PCTP: variants seen among roughly 807,000 people sequenced by gnomAD.
The protein encoded by PCTP is START domain-containing protein 2.
PCTP carries 27 observed loss-of-function variants against 31.0 expected under a neutral mutation model. That is an observed-to-expected ratio of 0.87 (90% CI 0.64 to 1.20). The LOEUF (loss-of-function observed/expected upper bound fraction) is 1.20. PCTP is among the 50% of genes most tolerant of loss of function. The probability of loss-of-function intolerance (pLI) is 0.00; values close to 1 mark genes in which losing one functional copy is unlikely to be tolerated. For missense variants in PCTP, 287 were observed against 268.2 expected (o/e 1.07, Z -0.49); for synonymous variants, 108 against 101.2 (o/e 1.07, Z -0.40).
intron 3 of PCTP, among the ~76,000 whole-genome samples, chr17:55,802,105 A>G (rs1369822163): frequency 2.6e-5 from 4 of 152,260 alleles, no homozygotes; most frequent in African/African-American, 9.6e-5. Flanking sequence ...CAAATAAACT[A>G]GAAAATCTAG....
intron 3 of PCTP, among the ~76,000 whole-genome samples, chr17:55,806,054 A>T (rs1219796440): frequency 6.6e-6 from 1 of 152,142 alleles, no homozygotes; most frequent in African/African-American, 2.4e-5. Flanking sequence ...CCTTAGAAAG[A>T]TAAATAACTT....
chr17:55,829,554 C>T (rs986930749), intron 5 of PCTP, among the ~76,000 whole-genome samples: 70 of 152,272 alleles, frequency 4.6e-4, no homozygotes, highest in African/African-American at 1.7e-3. Context: ...AGGTGATCCA[C>T]CTGCCTTGGC....
chr17:55,799,998 C>T (rs1159523092), intron 3 of PCTP, among the ~76,000 whole-genome samples: 1 of 152,060 alleles, frequency 6.6e-6, no homozygotes, highest in Non-Finnish European at 1.5e-5. Flanking sequence ...CTCTGGCTGC[C>T]CTTAACATTT....
chr17:55,849,767 A>T, the PCTP span, among the ~76,000 whole-genome samples: 2 of 152,222 alleles, frequency 1.3e-5, 1 homozygote, highest in South Asian at 4.1e-4. Context: ...TCAATGCCAA[A>T]AAAACAAAAC....
chr17:55,842,165 A>G (rs1382258235), intron 5 of PCTP, among the ~76,000 whole-genome samples: 3 of 152,204 alleles, frequency 2.0e-5, no homozygotes, highest in Non-Finnish European at 2.9e-5. Flanking sequence ...AACAATAACT[A>G]TAATAAACAA....
At chr17:55,754,918 C>T (rs564956588) in intron 1 of PCTP, among the ~76,000 whole-genome samples, 83 of 151,954 alleles carry the variant, frequency 5.5e-4, no homozygotes, top group African/African-American at 1.4e-3. Context: ...AATACACACA[C>T]GCCGCCACAC....
chr17:55,773,994 G>C (rs1245114210), intron 4 of PCTP, 99 bp downstream of exon 4: 1 of 1,362,474 alleles, frequency 7.3e-7, no homozygotes, highest in Non-Finnish European at 9.8e-7. Context: ...GCGTATCCCT[G>C]AAGGTCAGAG....
chr17:55,819,010 C>CAAAAAAAAAAAAAAAAAAA (rs56823756), intron 3 of PCTP, among the ~76,000 whole-genome samples: 4 of 51,106 alleles, frequency 7.8e-5, no homozygotes, highest in Non-Finnish European at 1.1e-4. Context: ...GGAAAGAAAT[C>CAAAAAAAAAAAAAAAAAAA]AAAAAAAAAA....
chr17:55,803,525 G>C (rs1464606436), intron 3 of PCTP, among the ~76,000 whole-genome samples: 3 of 152,068 alleles, frequency 2.0e-5, no homozygotes, highest in African/African-American at 7.2e-5. Flanking sequence ...TAGACCAATG[G>C]AACAGAACAG....
chr17:55,824,912 GC>G (rs1028603370), downstream of PCTP, among the ~76,000 whole-genome samples: 15 of 152,058 alleles, frequency 9.9e-5, no homozygotes. Context: ...TTCTAATGGT[GC>G]CTTGAGAAAA....
intron 1 of PCTP, 136 bp downstream of exon 1, chr17:55,751,380 C>T: frequency 6.5e-7 from 1 of 1,532,206 alleles, no homozygotes; most frequent in Non-Finnish European, 8.7e-7. Flanking sequence ...TCCGCCCGGA[C>T]CCTGTCTCAA....
chr17:55,833,792 A>G (rs1905685327), intron 5 of PCTP, among the ~76,000 whole-genome samples: 1 of 152,210 alleles, frequency 6.6e-6, no homozygotes, highest in Admixed American at 6.5e-5. Context: ...CCCCGCTGAA[A>G]GACCTTGCCT....
chr17:55,779,427 G>A (rs1216649194), downstream of PCTP, among the ~76,000 whole-genome samples: 1 of 152,198 alleles, frequency 6.6e-6, no homozygotes, highest in Non-Finnish European at 1.5e-5. Flanking sequence ...AGAACCATTT[G>A]CACAAAACCT....
intron 5 of PCTP, among the ~76,000 whole-genome samples, chr17:55,831,802 C>T (rs1256882040): frequency 6.6e-6 from 1 of 152,200 alleles, no homozygotes; most frequent in Non-Finnish European, 1.5e-5. Context: ...AAACACCCGG[C>T]TGGACGTGGT....
At chr17:55,822,521 A>G (rs941297826) in intron 3 of PCTP, among the ~76,000 whole-genome samples, 6 of 152,114 alleles carry the variant, frequency 3.9e-5, no homozygotes, top group African/African-American at 1.4e-4. Flanking sequence ...CAGTGGGGGG[A>G]TTAAATATGC....
intron 3 of PCTP, among the ~76,000 whole-genome samples, chr17:55,794,105 A>T (rs73990929): frequency 0.019 from 2,857 of 152,216 alleles, 108 homozygotes; most frequent in African/African-American, 0.064. Context: ...TTCAATTGCC[A>T]GAACAAAACC....
At chr17:55,810,864 A>G (rs1465845603) in intron 3 of PCTP, among the ~76,000 whole-genome samples, 1 of 152,238 alleles carries the variant, frequency 6.6e-6, no homozygotes, top group Admixed American at 6.5e-5. Context: ...CTTAATGACC[A>G]GGAGAATAAA....
rs148333886 is a variant in PCTP at position 55,788,704 on chromosome 17, G to A, written c.317+1050G>A. Among the ~76,000 whole-genome samples, 531 of 152,160 alleles carry A rather than the reference G, an allele frequency of 3.5e-3. 4 individuals carry two copies. The highest frequency in any genetic ancestry group is 0.012 in the African/African-American group (504 of 41,514). ...TGTTCATTACTGAATTAAGGTGATG[G>A]GGTATCCAGGTGTTCACTGTATGAT... On this transcript the variant is annotated intron_variant, in intron 3 of 3. Transcript: ENST00000572536.
chr17:55,793,807 G>A (rs1364767658), intron 3 of PCTP, among the ~76,000 whole-genome samples: 1 of 152,034 alleles, frequency 6.6e-6, no homozygotes, highest in East Asian at 1.9e-4. Context: ...CAACTCCCAA[G>A]GATCCTGTGG....
Sources: gnomAD v4.1 joint callset for allele counts (sites outside exome capture counted in the v4.1 genomes callset) on GRCh38, gnomAD v4.1.1 for gene constraint, MANE v1.5 for transcripts, NCBI Gene and HGNC (gene_info 2026-07-23, HGNC 2026-07-21) for gene names.